The following ADAMTS15 variants were observed in gnomAD, a reference collection of about 807,000 sequenced individuals.
The protein encoded by ADAMTS15 is ADAM metallopeptidase with thrombospondin type 1 motif 15, also known as A disintegrin and metalloproteinase with thrombospondin motifs 15.
A neutral mutation model predicts 79.1 loss-of-function variants in ADAMTS15; 35 were observed. The observed-to-expected ratio is 0.44, with a 90% CI of 0.34 to 0.59. The LOEUF (loss-of-function observed/expected upper bound fraction) is 0.59. Ranked by LOEUF, ADAMTS15 falls within the 20% of genes least tolerant of loss-of-function variation. The pLI is 0.02. For missense variants in ADAMTS15, 1,324 were observed against 1,318.7 expected, an observed-to-expected ratio of 1.00 and a Z score of -0.06; for synonymous variants, 616 against 567.3, an observed-to-expected ratio of 1.09 and a Z score of -1.22.
At chr11:130,457,213 A>C (rs1250575139) in intron 1 of ADAMTS15, among the ~76,000 whole-genome samples, 3 of 150,858 alleles carry the variant, frequency 2.0e-5, no homozygotes, top group Admixed American at 2.0e-4. Context: ...CCTGGGCAAC[A>C]GAGCGAGACT....
chr11:130,454,735 G>A (rs938271428), intron 1 of ADAMTS15, among the ~76,000 whole-genome samples: 1 of 152,190 alleles, frequency 6.6e-6, no homozygotes, highest in Non-Finnish European at 1.5e-5. Flanking sequence ...GTTCCCTGTC[G>A]TGCAGGATGA....
chr11:130,449,151 T>C lies in ADAMTS15; in HGVS notation c.178T>C (p.Phe60Leu), dbSNP rs758180309. The change falls in exon 1 of 8, where the codon TTT (phenylalanine) becomes CTT (leucine). Residue 60 changes from phenylalanine to leucine, a missense_variant. Phe to Leu is a conservative substitution (Grantham distance 22). Coordinates refer to ENST00000299164, the MANE Select transcript of ADAMTS15 (RefSeq NM_139055.4). This position sits in a 1 kb window ranked among gnomAD's most constrained non-coding sequence, Gnocchi z 7.8. ...GGGACTCATTTTTCAGATCACAGCA[T>C]TTCAGGAGGACTTTTACCTACACCT... is the stretch of plus-strand genomic sequence containing the variant. ...DQGLIFQITA[F>L]QEDFYLHLTP... 167 of 1,605,714 alleles carry C rather than the reference T, an allele frequency of 1.0e-4. No individual in the cohort carries two copies. Among genetic ancestry groups the C allele is most frequent in the Non-Finnish European group, 1.3e-4 (156 of 1,174,424 alleles).
chr11:130,470,181 T>TATATATAC (rs1565397812), intron 5 of ADAMTS15, among the ~76,000 whole-genome samples: 5 of 40,216 alleles, frequency 1.2e-4, no homozygotes, highest in African/African-American at 6.9e-4. Flanking sequence ...TATATATATA[T>TATATATAC]GTGTGTATAT....
At chr11:130,459,093 G>C (rs943350166) in intron 1 of ADAMTS15, among the ~76,000 whole-genome samples, 1 of 146,826 alleles carries the variant, frequency 6.8e-6, no homozygotes, top group Non-Finnish European at 1.5e-5. Flanking sequence ...GAATGCAGTG[G>C]CGTGATCACG....
chr11:130,471,148 G>C, intron 6 of ADAMTS15, 47 bp downstream of exon 6: 1 of 1,593,410 alleles, frequency 6.3e-7, no homozygotes, highest in Non-Finnish European at 8.6e-7. Context: ...CAGGTCTTCC[G>C]GGGAGCATCA....
In ADAMTS15 at chr11:130,462,057, C is replaced by T; in HGVS notation, c.1091-30C>T. On this transcript the variant is annotated intron_variant, in intron 2 of 7. Coordinates refer to ENST00000299164, the MANE Select transcript of ADAMTS15 (RefSeq NM_139055.4). The surrounding 1 kb of genome is among the most constrained non-coding windows in gnomAD (Gnocchi z 4.3). ...TCCAACCCCCATGTCCTTCCTCCTG[C>T]CCTCTCAGTCCTCTTGCCTTACCCC... The T allele has an allele frequency of 6.3e-7, 1 of 1,595,568 alleles. No homozygotes were observed. Among genetic ancestry groups the T allele is most frequent in the Non-Finnish European group, 8.6e-7 (1 of 1,167,196 alleles).
rs935873687 is a variant in ADAMTS15, at chr11:130,472,522, C to A, written c.2079-525C>A. ...AACCTACTCATTATGCAGATGAGGA[C>A]ACCAGAATCCAGAGATACTGGCTTG... is the stretch of plus-strand genomic sequence containing the variant. On this transcript the variant is annotated intron_variant, in intron 7 of 7. Coordinates refer to ENST00000299164, the MANE Select transcript of ADAMTS15 (RefSeq NM_139055.4). The surrounding 1 kb of genome is among the most constrained non-coding windows in gnomAD (Gnocchi z 4.7). Among the ~76,000 whole-genome samples, 1 of 152,218 alleles carries A rather than the reference C, an allele frequency of 6.6e-6. No homozygotes were observed. The highest frequency in any genetic ancestry group is 1.5e-5 in the Non-Finnish European group (1 of 68,040).
rs939403173 is a variant in ADAMTS15 at position 130,473,131 on chromosome 11, G to A, written c.2163G>A (p.Gly721=). ...AGCGCGGTTACAAAGGGCTGATCGG[G>A]GATGACAACTACCTGGCTCTGAAGA... ...IRQRGYKGLI[G]DDNYLALKNS... Residue 721 remains glycine, a synonymous_variant, in exon 8 of 8, where the codon GGG becomes GGA. Transcript: ENST00000299164. The A allele has an allele frequency of 5.0e-6, 8 of 1,614,128 alleles. No individual in the cohort carries two copies. Among genetic ancestry groups the A allele is most frequent in the South Asian group, 1.1e-5 (1 of 91,082 alleles).
intron 4 of ADAMTS15, among the ~76,000 whole-genome samples, chr11:130,468,698 G>A (rs2134734824): frequency 6.7e-6 from 1 of 149,580 alleles, no homozygotes. Flanking sequence ...CCAGGAGGCG[G>A]AGCTTGCAGT....
Position 130,471,006 on chromosome 11 carries a change from T to C in ADAMTS15, c.1807T>C (p.Trp603Arg). The C allele has an allele frequency of 6.2e-7, 1 of 1,613,838 alleles. No homozygotes were observed. The highest frequency in any genetic ancestry group is 8.5e-7 in the Non-Finnish European group (1 of 1,180,036). Residue 603 changes from tryptophan to arginine, a missense_variant, in exon 6 of 8, where the codon TGG (tryptophan) becomes CGG (arginine). Transcript: ENST00000299164. ...CAACCGGCTCACTCTCGCCGTGGCA[T>C]GGGTGCCCAAGTACTCCGGCGTGTC... ...STNRLTLAVA[W>R]VPKYSGVSPR...
chr11:130,471,494 AC>A, intron 7 of ADAMTS15, 111 bp downstream of exon 7: 1 of 1,293,310 alleles, frequency 7.7e-7, no homozygotes, highest in East Asian at 2.6e-5. Context: ...TCCAGCCAGT[AC>A]CCTTGCTGCA....
chr11:130,474,430 TC>T lies in ADAMTS15; in HGVS notation c.*611del, dbSNP rs1938534847. 1 of 152,576 alleles carries T rather than the reference TC, an allele frequency of 6.6e-6. No individual in the cohort carries two copies. Among genetic ancestry groups the T allele is most frequent in the African/African-American group, 2.4e-5 (1 of 41,442 alleles). The allele number at this position is 152,576 out of a possible 1,614,324, so 9.5% of individuals were successfully genotyped here. ...GCACAGGGAGTCCCGAGGTTTCTCA[TC>T]CTGCACTCTTGGCCCTCCTATAAAG... On this transcript the variant is annotated 3_prime_UTR_variant, in exon 8 of 8. Coordinates refer to ENST00000299164, the MANE Select transcript of ADAMTS15 (RefSeq NM_139055.4).
Position 130,462,605 on chromosome 11 carries a change from C to G in ADAMTS15, c.1367C>G (p.Ser456Cys). The change falls in exon 4 of 8, where the codon TCC becomes TGC. Residue 456 changes from serine (S) to cysteine (C), a missense_variant. By Grantham distance (112) the Ser-to-Cys change is moderately radical. Transcript: ENST00000299164. This position sits in a 1 kb window ranked among gnomAD's most constrained non-coding sequence, Gnocchi z 4.3. ...TGCGAGCTGGCTTTTGGCGTGGGCT[C>G]CAAGCCCTGTCCTTACATGCAGTAC... ...QQCELAFGVGSKPCPYMQYCT... is the reference protein window; with the variant it reads ...QQCELAFGVGCKPCPYMQYCT... 1 of 1,613,916 alleles carries G rather than the reference C, an allele frequency of 6.2e-7. No homozygotes were observed. Among genetic ancestry groups the G allele is most frequent in the South Asian group, 1.1e-5 (1 of 91,084 alleles).
In ADAMTS15 at chr11:130,475,327, G is replaced by T. The variant is rs937873380; in HGVS notation, c.*1506G>T. ...AGACATGTCAGGAAAATAGAAACAG[G>T]CATTTTCTCTAGCTCCAAGTGGGGA... is the stretch of plus-strand genomic sequence containing the variant. On this transcript the variant is annotated 3_prime_UTR_variant, in exon 8 of 8. Transcript: ENST00000299164. 1 of 152,230 alleles carries T rather than the reference G, an allele frequency of 6.6e-6. No individual in the cohort carries two copies. The highest frequency in any genetic ancestry group is 2.4e-5 in the African/African-American group (1 of 41,448). 9.4% of individuals were successfully genotyped at this position (152,230 alleles called of 1,614,324 possible).
In ADAMTS15 at chr11:130,472,977, C is replaced by T. The variant is rs1938488330; in HGVS notation, c.2079-70C>T. 8 of 1,559,086 alleles carry T rather than the reference C, an allele frequency of 5.1e-6. No individual in the cohort carries two copies. In the South Asian group the frequency reaches 9.7e-5, roughly 19 times the overall value. ...CGAAAGCTAGGTTTACTGAGGAAAA[C>T]AGATCCTGGAGCATAAGGTCCTCAG... On this transcript the variant is annotated intron_variant, in intron 7 of 7. Transcript: ENST00000299164. The surrounding 1 kb of genome is among the most constrained non-coding windows in gnomAD (Gnocchi z 4.7).
intron 4 of ADAMTS15, 147 bp from the exon 5 acceptor site, chr11:130,469,115 T>C (rs1938369067): frequency 2.5e-6 from 2 of 813,264 alleles, no homozygotes; most frequent in Non-Finnish European, 3.4e-6. Context: ...ATTTGTTTAT[T>C]GTTTTTTCCT....
At chr11:130,468,989 C>T (rs1409949440) in intron 4 of ADAMTS15, among the ~76,000 whole-genome samples, 1 of 146,972 alleles carries the variant, frequency 6.8e-6, no homozygotes, top group Non-Finnish European at 1.5e-5. Flanking sequence ...TCACATCTGT[C>T]TCACTCTACT....
At position 130,449,499 on chromosome 11, in the gene ADAMTS15, G is replaced by A; in HGVS notation, c.526G>A (p.Val176Met). The A allele has an allele frequency of 1.3e-6, 2 of 1,555,434 alleles. No individual in the cohort carries two copies. Among genetic ancestry groups the A allele is most frequent in the South Asian group, 2.4e-5 (2 of 82,206 alleles). The change falls in exon 1 of 8, where the codon GTG becomes ATG. Residue 176 changes from valine (V) to methionine (M), a missense_variant. Physicochemically the swap from Val to Met is conservative, Grantham distance 21. Coordinates refer to ENST00000299164, the MANE Select transcript of ADAMTS15 (RefSeq NM_139055.4). This position sits in a 1 kb window ranked among gnomAD's most constrained non-coding sequence, Gnocchi z 7.8. ...PSGDPTSRCG[V>M]ASGWNPAILR... ...CGGAGACCCCACCTCTCGCTGCGGGGTGGCCTCGGGCTGGAACCCCGCCAT... is the reference window on the plus strand; with the variant it reads ...CGGAGACCCCACCTCTCGCTGCGGGATGGCCTCGGGCTGGAACCCCGCCAT...
At chr11:130,456,816 G>A (rs572692937) in intron 1 of ADAMTS15, among the ~76,000 whole-genome samples, 98 of 152,304 alleles carry the variant, frequency 6.4e-4, no homozygotes, top group African/African-American at 2.3e-3. Flanking sequence ...CTGCAGTCCT[G>A]TGAGTATAAT....
Sources: allele counts gnomAD v4.1 joint callset (sites outside exome capture counted in the v4.1 genomes callset), GRCh38; gene constraint gnomAD v4.1.1; non-coding constraint Gnocchi (gnomAD v3.1); transcripts MANE v1.5; gene names NCBI Gene and HGNC (gene_info 2026-07-23, HGNC 2026-07-21).